Variants in CDC73 observed in about 807,000 individuals in gnomAD.
CDC73 encodes the protein parafibromin.
A neutral mutation model predicts 83.7 loss-of-function variants in CDC73; 21 were observed. The observed-to-expected ratio is 0.25, with a 90% confidence interval of 0.18 to 0.36. CDC73 has a LOEUF of 0.36. CDC73 is among the 10% of genes least tolerant of loss of function. The pLI, the probability that CDC73 is intolerant of heterozygous loss-of-function variation, is 1.00. For missense variants in CDC73, 342 were observed against 653.3 expected (o/e 0.52, Z 5.19); for synonymous variants, 224 against 212.9 (o/e 1.05, Z -0.45).
chr1:193,227,744 T>G (rs1435912357), intron 13 of CDC73, among the ~76,000 whole-genome samples: 2 of 152,202 alleles, frequency 1.3e-5, no homozygotes, highest in Admixed American at 1.3e-4. Context: ...TATTTGAATT[T>G]CAGATGCATT....
rs149875598 is a variant in CDC73, at chr1:193,203,811, G to T, written c.989G>T (p.Arg330Leu). Residue 330 changes from arginine (R) to leucine (L), a missense_variant, in exon 11 of 17, where the codon CGG (arginine) becomes CTG (leucine). Arg to Leu is a moderately radical substitution (Grantham distance 102). Transcript: ENST00000367435. ...CTTTTAAAGGAGGGTGCATCTGCCC[G>T]GAAGACTCAGACTCCTGCAGCCCAG... ...LKSVTEGASA[R>L]KTQTPAAQPV... 1 of 1,613,318 alleles carries T rather than the reference G, an allele frequency of 6.2e-7. No individual in the cohort carries two copies. Among genetic ancestry groups the T allele is most frequent in the Non-Finnish European group, 8.5e-7 (1 of 1,179,406 alleles).
In CDC73 at chr1:193,203,820, A is replaced by C. The variant is rs1182056800; in HGVS notation, c.998A>C (p.Gln333Pro). Residue 333 changes from glutamine (Q) to proline (P), a missense_variant, in exon 11 of 17, where the codon CAG (glutamine) becomes CCG (proline). Transcript: ENST00000367435. Reference protein sequence around the residue: ...VTEGASARKTQTPAAQPVPRP... With the variant: ...VTEGASARKTPTPAAQPVPRP... ...GAGGGTGCATCTGCCCGGAAGACTC[A>C]GACTCCTGCAGCCCAGCCAGTACCA... 6.2e-7 allele frequency: 1 copy of C among 1,613,754 alleles called. No individual in the cohort carries two copies. Among genetic ancestry groups the C allele is most frequent in the East Asian group, 2.2e-5 (1 of 44,836 alleles).
chr1:193,168,869 A>G (rs1265534410), intron 10 of CDC73, among the ~76,000 whole-genome samples: 1 of 152,230 alleles, frequency 6.6e-6, no homozygotes, highest in East Asian at 1.9e-4. Context: ...AGGTAAATGA[A>G]TGAGTTTGGT....
rs537557568 is a variant in CDC73 at position 193,153,077 on chromosome 1, A to T, written c.972+633A>T. Among the ~76,000 whole-genome samples the T allele has an allele frequency of 3.3e-5, 5 of 152,212 alleles. No individual in the cohort carries two copies. In the South Asian group the frequency reaches 1.0e-3, roughly 32 times the overall value. On this transcript the variant is annotated intron_variant, in intron 10 of 16. Coordinates refer to ENST00000367435, the MANE Select transcript of CDC73 (RefSeq NM_024529.5). ...GCCACCGTGCCCAGCCTTGTTTTTA[A>T]CAATGTAATGTCTTTCGCTCTTTAA...
At chr1:193,163,171 G>A (rs532314164) in intron 10 of CDC73, among the ~76,000 whole-genome samples, 1 of 151,606 alleles carries the variant, frequency 6.6e-6, no homozygotes, top group East Asian at 1.9e-4. Context: ...GTGTGTGTGT[G>A]TGTGTGGGTG....
chr1:193,151,130 T>C (rs1413268692), intron 9 of CDC73, among the ~76,000 whole-genome samples: 2 of 152,226 alleles, frequency 1.3e-5, no homozygotes, highest in African/African-American at 4.8e-5. Context: ...TCAGTGTAAC[T>C]TCCTCTTGGG....
At chr1:193,232,682 C>T (rs1384771641) in intron 13 of CDC73, among the ~76,000 whole-genome samples, 2 of 152,110 alleles carry the variant, frequency 1.3e-5, no homozygotes, top group East Asian at 3.9e-4. Context: ...GCGGGTGGAT[C>T]ACAAGGTCAG....
chr1:193,138,598 G>T (rs1165329663), intron 6 of CDC73, among the ~76,000 whole-genome samples: 1 of 151,978 alleles, frequency 6.6e-6, no homozygotes, highest in Non-Finnish European at 1.5e-5. Flanking sequence ...GATGGGCATA[G>T]TTTCTTCACT....
chr1:193,248,688 T>C (rs561204001), intron 15 of CDC73, among the ~76,000 whole-genome samples: 1 of 152,166 alleles, frequency 6.6e-6, no homozygotes, highest in Non-Finnish European at 1.5e-5. Context: ...ACCTTCATGG[T>C]TCATAGATGA....
chr1:193,204,182 T>TAC (rs756369033), intron 11 of CDC73, among the ~76,000 whole-genome samples: 64 of 142,586 alleles, frequency 4.5e-4, no homozygotes, highest in Middle Eastern at 3.6e-3. Flanking sequence ...TATATATATA[T>TAC]ACACACACAC....
chr1:193,181,677 GTC>G, intron 10 of CDC73: 5 of 1,021,934 alleles, frequency 4.9e-6, no homozygotes, highest in Non-Finnish European at 4.2e-6. Flanking sequence ...CTCTCTTGTA[GTC>G]ATTCTATAAA....
intron 10 of CDC73, among the ~76,000 whole-genome samples, chr1:193,158,502 T>TAA (rs58072960): frequency 2.7e-4 from 40 of 149,534 alleles, no homozygotes; most frequent in South Asian, 2.3e-3. Flanking sequence ...TCTCTAAAAA[T>TAA]AAAAAAAAAA....
chr1:193,175,694 C>G (rs557224983), intron 10 of CDC73, among the ~76,000 whole-genome samples: 4 of 152,114 alleles, frequency 2.6e-5, no homozygotes, highest in Non-Finnish European at 5.9e-5. Context: ...CTAGAGATTA[C>G]TTAAAGTATG....
intron 10 of CDC73, among the ~76,000 whole-genome samples, chr1:193,172,768 G>T (rs1481275005): frequency 6.6e-6 from 1 of 152,140 alleles, no homozygotes; most frequent in Non-Finnish European, 1.5e-5. Flanking sequence ...CACCTAAATA[G>T]AAGGCCTAAA....
intron 13 of CDC73, among the ~76,000 whole-genome samples, chr1:193,232,196 A>G (rs1040877286): frequency 1.4e-4 from 22 of 152,106 alleles, no homozygotes; most frequent in African/African-American, 5.3e-4. Flanking sequence ...GCTACTCTGA[A>G]GTTTGATGGT....
chr1:193,167,305 T>G (rs1205860263), intron 10 of CDC73, among the ~76,000 whole-genome samples: 1 of 152,210 alleles, frequency 6.6e-6, no homozygotes, highest in Non-Finnish European at 1.5e-5. Flanking sequence ...TACTCCTGCC[T>G]GTAGTTTTTT....
chr1:193,179,272 G>T (rs1363684292), intron 10 of CDC73: 1 of 152,160 alleles, frequency 6.6e-6, no homozygotes, highest in Non-Finnish European at 1.5e-5. Context: ...TTAAGTGTTG[G>T]CATGTGTACA....
chr1:193,217,309 A>C (rs1677384797), intron 13 of CDC73, among the ~76,000 whole-genome samples: 1 of 152,238 alleles, frequency 6.6e-6, no homozygotes, highest in South Asian at 2.1e-4. Context: ...TAACCAGCTC[A>C]GACCCTCTAC....
chr1:193,125,059 G>A (rs2103113838), intron 1 of CDC73, 53 bp from the exon 2 acceptor site: 1 of 891,414 alleles, frequency 1.1e-6, no homozygotes, highest in East Asian at 2.4e-5. Flanking sequence ...AATCCAGCCT[G>A]AAGAGTTGAA....
Sources: gnomAD v4.1 joint callset for allele counts (sites outside exome capture counted in the v4.1 genomes callset) on GRCh38, gnomAD v4.1.1 for gene constraint, MANE v1.5 for transcripts, NCBI Gene and HGNC (gene_info 2026-07-23, HGNC 2026-07-21) for gene names.